Variants in CTNS observed in about 807,000 individuals in gnomAD.
CTNS encodes the protein cystinosin.
In CTNS, 27 loss-of-function variants were observed where a neutral mutation model predicts 43.7. The ratio of observed to expected loss-of-function variants is 0.62; its 90% CI spans 0.46 to 0.85. The LOEUF is 0.85. Ranked by LOEUF, CTNS falls within the 40% of genes least tolerant of loss-of-function variation. The pLI is 0.00. For synonymous variants in CTNS, 187 were observed against 190.6 expected, an observed-to-expected ratio of 0.98 and a Z score of 0.16; for missense variants, 457 against 475.4, an observed-to-expected ratio of 0.96 and a Z score of 0.36.
rs1289857833 is a variant in CTNS at position 3,660,540 on chromosome 17, C to T, written c.*171C>T. 1.9e-6 allele frequency: 3 copies of T among 1,612,520 alleles called. No individual in the cohort carries two copies. The highest frequency in any genetic ancestry group is 2.2e-5 in the East Asian group (1 of 44,902). ...CAGAGGCCATTCAATAGCCTGCCTT[C>T]GTCCGGGCCCCTCCTGGGCCTCCCC... is the stretch of plus-strand genomic sequence containing the variant. On this transcript the variant is annotated 3_prime_UTR_variant, in exon 12 of 12. Coordinates refer to ENST00000046640, the MANE Select transcript of CTNS (RefSeq NM_004937.3).
intron 10 of CTNS, among the ~76,000 whole-genome samples, chr17:3,659,370 C>T (rs1340392328): frequency 1.3e-5 from 2 of 152,196 alleles, no homozygotes; most frequent in South Asian, 4.1e-4. Flanking sequence ...GACGGGGAAA[C>T]CAAGGCTAGG....
intron 7 of CTNS, 52 bp downstream of exon 7, chr17:3,655,404 G>T (rs467277): frequency 6.2e-7 from 1 of 1,610,718 alleles, no homozygotes. Flanking sequence ...TAGGAGCAGG[G>T]CGTTCCAGCA....
rs2075907808 is a variant in CTNS, at chr17:3,648,891, T to G, written c.185T>G (p.Phe62Cys). 1 of 1,613,960 alleles carries G rather than the reference T, an allele frequency of 6.2e-7. No individual in the cohort carries two copies. Among genetic ancestry groups the G allele is most frequent in the South Asian group, 1.1e-5 (1 of 91,090 alleles). Residue 62 changes from phenylalanine (F) to cysteine (C), a missense_variant, in exon 5 of 12, where the codon TTT becomes TGT. Coordinates refer to ENST00000046640, the MANE Select transcript of CTNS (RefSeq NM_004937.3). ...ATLVITFEIT[F>C]RSKNITILEL... Reference sequence around the variant, plus strand: ...CTGGTGATCACTTTTGAAATCACATTTCGTTCCAAAAATATTACTATCCTT... The same window carrying G: ...CTGGTGATCACTTTTGAAATCACATGTCGTTCCAAAAATATTACTATCCTT...
Position 3,660,640 on chromosome 17 carries a change from C to A in CTNS, c.*271C>A. 6.2e-7 allele frequency: 1 copy of A among 1,613,586 alleles called. No individual in the cohort carries two copies. Among genetic ancestry groups the A allele is most frequent in the Non-Finnish European group, 8.5e-7 (1 of 1,180,048 alleles). The stretch of plus-strand genomic sequence containing the variant: ...AGGCTTCAGGCAGCGCGCACAGGCT[C>A]TGGCAGCCGTCTCAGGCAGGACTGG... On this transcript the variant is annotated 3_prime_UTR_variant, in exon 12 of 12. Transcript: ENST00000046640.
Position 3,652,198 on chromosome 17 carries a change from A to C in CTNS, c.226-2800A>C, listed in dbSNP as rs12601790. Among the ~76,000 whole-genome samples, 73 of 152,274 alleles carry C rather than the reference A, an allele frequency of 4.8e-4. 2 individuals carry two copies. The East Asian group carries it at 0.012, about 26-fold the overall frequency. ...CAGGCCTGTGAGCCTTGGGTAAGGC[A>C]CTTCACCCCAATATAGCACCGTCTC... On this transcript the variant is annotated intron_variant, in intron 5 of 11. Coordinates refer to ENST00000046640, the MANE Select transcript of CTNS (RefSeq NM_004937.3).
In CTNS at chr17:3,656,982, G is replaced by A. The variant is rs1206236249; in HGVS notation, c.681+187G>A. The A allele has an allele frequency of 3.5e-5, 30 of 859,882 alleles. 1 individual carries two copies. Among genetic ancestry groups the A allele is most frequent in the Non-Finnish European group, 5.2e-5 (29 of 555,122 alleles). The allele number at this position is 859,882 out of a possible 1,614,324, so 53.3% of individuals were successfully genotyped here. ...AGAGCCCCCCAAGTCTGGGGTGAGG[G>A]ACTCAGGGAGAGGCAGTGCCTGGAC... is the stretch of plus-strand genomic sequence containing the variant. On this transcript the variant is annotated intron_variant, in intron 9 of 11. Transcript: ENST00000046640.
At chr17:3,643,262 C>T (rs1189174709) in intron 3 of CTNS, among the ~76,000 whole-genome samples, 1 of 151,422 alleles carries the variant, frequency 6.6e-6, no homozygotes, top group Admixed American at 6.6e-5. Flanking sequence ...TGCAGTGAGT[C>T]GAGATCGTGC....
At chr17:3,654,566 C>T (rs1043107655) in intron 5 of CTNS, among the ~76,000 whole-genome samples, 3 of 151,240 alleles carry the variant, frequency 2.0e-5, no homozygotes, top group South Asian at 2.1e-4. Context: ...CCCAGGTACT[C>T]GGGACTCAGG....
At chr17:3,642,367 C>G (rs2075741976) in intron 3 of CTNS, among the ~76,000 whole-genome samples, 1 of 152,112 alleles carries the variant, frequency 6.6e-6, no homozygotes, top group Non-Finnish European at 1.5e-5. Context: ...TGCATGAGAT[C>G]ACTTTGCCTC....
chr17:3,653,270 G>A (rs1443179360), intron 5 of CTNS, among the ~76,000 whole-genome samples: 8 of 151,630 alleles, frequency 5.3e-5, no homozygotes, highest in Non-Finnish European at 1.0e-4. Context: ...AAAATTAGCT[G>A]GGTATGGTTG....
In CTNS at chr17:3,640,416, G is replaced by A. The variant is rs148820665; in HGVS notation, c.61+149G>A. Reference sequence around the variant, plus strand: ...TTGGCCATGTGGCCACTGGGGTGGTGGAGCAGACCCAGGTCTGGGATCCAG... The same window carrying A: ...TTGGCCATGTGGCCACTGGGGTGGTAGAGCAGACCCAGGTCTGGGATCCAG... On this transcript the variant is annotated intron_variant, in intron 3 of 11. Coordinates refer to ENST00000046640, the MANE Select transcript of CTNS (RefSeq NM_004937.3). 3.5e-4 allele frequency: 315 copies of A among 897,010 alleles called. 2 individuals carry two copies. The East Asian group carries it at 7.5e-3, about 21-fold the overall frequency. 55.6% of individuals were successfully genotyped at this position (897,010 alleles called of 1,614,324 possible). A position where few individuals can be genotyped will look rare whatever the true frequency, so the allele number is the denominator to read the frequency against.
intron 5 of CTNS, among the ~76,000 whole-genome samples, chr17:3,652,001 T>G (rs1263083060): frequency 8.0e-6 from 1 of 125,086 alleles, no homozygotes; most frequent in Non-Finnish European, 1.7e-5. Context: ...AAGAAAAGTC[T>G]TTAACAATGA....
chr17:3,658,414 C>T (rs998687790), intron 10 of CTNS, among the ~76,000 whole-genome samples: 1 of 152,214 alleles, frequency 6.6e-6, no homozygotes, highest in African/African-American at 2.4e-5. Flanking sequence ...CTCCCCTAAG[C>T]ATCAGGTGTG....
chr17:3,657,676 A>G (rs1189818595), intron 9 of CTNS: 2 of 417,462 alleles, frequency 4.8e-6, no homozygotes, highest in Non-Finnish European at 9.0e-6. Context: ...CACGTCTCCA[A>G]GTGAGTGCTG....
intron 5 of CTNS, among the ~76,000 whole-genome samples, chr17:3,651,792 G>C (rs1223147197): frequency 6.6e-6 from 1 of 150,998 alleles, no homozygotes; most frequent in African/African-American, 2.4e-5. Flanking sequence ...GGCCAACATG[G>C]TGAAACCCCG....
intron 3 of CTNS, among the ~76,000 whole-genome samples, chr17:3,646,107 G>A (rs1050594783): frequency 1.3e-5 from 2 of 152,076 alleles, no homozygotes; most frequent in Admixed American, 1.3e-4. Context: ...CATAACCCCA[G>A]GCTGTGTGTA....
chr17:3,647,182 G>T (rs565875319), intron 3 of CTNS, among the ~76,000 whole-genome samples: 5 of 152,180 alleles, frequency 3.3e-5, no homozygotes, highest in African/African-American at 9.7e-5. Flanking sequence ...TAACTCAGCC[G>T]CAGACTCTCA....
chr17:3,640,065 G>C, intron 2 of CTNS, 123 bp from the exon 3 acceptor site: 1 of 793,236 alleles, frequency 1.3e-6, no homozygotes. Flanking sequence ...AAAGCCCTGA[G>C]GTCACAGCTG....
chr17:3,652,921 T>C lies in CTNS; in HGVS notation c.226-2077T>C, dbSNP rs1309540699. On this transcript the variant is annotated intron_variant, in intron 5 of 11. Transcript: ENST00000046640. ...ATTTCAGTTGTCCTGCCAAAGCCCC[T>C]GATTTCTGATGCTAAGAACAAGAAG... 3.3e-5 allele frequency among the ~76,000 whole-genome samples: 5 copies of C among 152,316 alleles called. No homozygotes were observed. The South Asian group carries it at 8.3e-4, about 25-fold the overall frequency.
Sources: gnomAD v4.1 joint callset for allele counts (sites outside exome capture counted in the v4.1 genomes callset) on GRCh38, gnomAD v4.1.1 for gene constraint, MANE v1.5 for transcripts, NCBI Gene and HGNC (gene_info 2026-07-23, HGNC 2026-07-21) for gene names.